The following ADAM22 variants were observed in gnomAD, a reference collection of about 807,000 sequenced individuals.
ADAM22 encodes the protein ADAM metallopeptidase domain 22.
In ADAM22, 65 loss-of-function variants were observed where a neutral mutation model predicts 144.6. The observed-to-expected ratio is 0.45, with a 90% CI of 0.37 to 0.55. The LOEUF (loss-of-function observed/expected upper bound fraction) is 0.55. Ranked by LOEUF, ADAM22 falls within the 20% of genes least tolerant of loss-of-function variation. The pLI is 0.00. For missense variants in ADAM22, 974 were observed against 1,184.9 expected (o/e 0.82, Z 2.61); for synonymous variants, 391 against 412.6 (o/e 0.95, Z 0.63).
chr7:88,162,883 T>TTAA (rs1842056368), intron 22 of ADAM22, 129 bp from the exon 23 acceptor site: 1 of 866,002 alleles, frequency 1.2e-6, no homozygotes, highest in Admixed American at 2.9e-5. Flanking sequence ...AACTGGCTTA[T>TTAA]GCTACTGGTC....
At chr7:88,039,749 T>C (rs1348815514) in intron 3 of ADAM22, among the ~76,000 whole-genome samples, 2 of 151,688 alleles carry the variant, frequency 1.3e-5, no homozygotes, top group African/African-American at 4.8e-5. Flanking sequence ...TGTTTCTATC[T>C]GTGTTATTCT....
intron 3 of ADAM22, among the ~76,000 whole-genome samples, chr7:88,050,196 C>A (rs1173686123): frequency 7.2e-6 from 1 of 139,046 alleles, no homozygotes. Context: ...ACAGCTTGGG[C>A]AGCATAGCAA....
At chr7:88,146,278 T>G (rs1836383333) in intron 17 of ADAM22, among the ~76,000 whole-genome samples, 1 of 152,252 alleles carries the variant, frequency 6.6e-6, no homozygotes, top group Non-Finnish European at 1.5e-5. Flanking sequence ...AAATATTTGT[T>G]GAGTGAATGA....
intron 3 of ADAM22, among the ~76,000 whole-genome samples, chr7:87,998,144 A>G (rs748277613): frequency 1.8e-4 from 27 of 152,294 alleles, no homozygotes; most frequent in Admixed American, 3.3e-4. Context: ...TAGTCCTTTC[A>G]GGTTCCACTG....
chr7:88,136,840 TTAAAA>T (rs1375348051), intron 14 of ADAM22, among the ~76,000 whole-genome samples: 1 of 151,826 alleles, frequency 6.6e-6, no homozygotes, highest in African/African-American at 2.4e-5. Context: ...TGGAATGTTA[TTAAAA>T]TAATAACAGC....
rs573633494 is a variant in ADAM22, at chr7:87,997,993, A to G, written c.323+19581A>G. On this transcript the variant is annotated intron_variant, in intron 3 of 31. Transcript: ENST00000413139. ...AAGCTGACAGTGCAGCCGTCAGTCT[A>G]TGGCTGAAGGCCTGAGAGCCCCTGG... Among the ~76,000 whole-genome samples, 257 of 152,326 alleles carry G rather than the reference A, an allele frequency of 1.7e-3. 1 individual carries two copies. The highest frequency in any genetic ancestry group is 5.8e-3 in the African/African-American group (241 of 41,582).
chr7:87,998,343 A>G (rs998782063), intron 3 of ADAM22, among the ~76,000 whole-genome samples: 2 of 152,270 alleles, frequency 1.3e-5, no homozygotes, highest in Admixed American at 6.5e-5. Context: ...CACAGGGCTC[A>G]TGGGATTACA....
chr7:88,049,695 C>A (rs116430330), intron 3 of ADAM22, among the ~76,000 whole-genome samples: 4,892 of 152,216 alleles, frequency 0.032, 246 homozygotes, highest in African/African-American at 0.11. Context: ...GTGCACCCGG[C>A]CTACCGTGTA....
At position 88,200,819 on chromosome 7, in the gene ADAM22, T is replaced by G. The variant is rs189810186; in HGVS notation, c.*4328T>G. The G allele has an allele frequency of 1.7e-4, 26 of 152,432 alleles. No homozygotes were observed. The East Asian group carries it at 2.5e-3, about 15-fold the overall frequency. The allele number at this position is 152,432 out of a possible 1,614,324, so 9.4% of individuals were successfully genotyped here. ...TGGATAAGACTACTCTGGTTTTGGATGCAGCAACTTTTCTCCTGGCATGGA... is the reference window on the plus strand; with the variant it reads ...TGGATAAGACTACTCTGGTTTTGGAGGCAGCAACTTTTCTCCTGGCATGGA... On this transcript the variant is annotated 3_prime_UTR_variant, in exon 32 of 32. Coordinates refer to ENST00000413139, the MANE Select transcript of ADAM22 (RefSeq NM_001324418.2).
intron 3 of ADAM22, among the ~76,000 whole-genome samples, chr7:88,007,541 C>T (rs1368756431): frequency 6.6e-6 from 1 of 152,072 alleles, no homozygotes; most frequent in African/African-American, 2.4e-5. Context: ...GTACTGGTAC[C>T]AAAACAGACG....
chr7:88,186,432 T>C, intron 29 of ADAM22, 183 bp from the exon 30 acceptor site: 4 of 612,818 alleles, frequency 6.5e-6, no homozygotes, highest in South Asian at 1.9e-5. Context: ...AGCCTTGTTG[T>C]AGCTGAGATT....
At chr7:88,141,421 C>T (rs1027861239) in intron 14 of ADAM22, among the ~76,000 whole-genome samples, 11 of 152,086 alleles carry the variant, frequency 7.2e-5, no homozygotes, top group Non-Finnish European at 1.3e-4. Flanking sequence ...ATTATAAATT[C>T]CATTAATTAA....
At chr7:88,023,826 T>TCC (rs141448857) in intron 3 of ADAM22, among the ~76,000 whole-genome samples, 1 of 151,248 alleles carries the variant, frequency 6.6e-6, no homozygotes, top group Admixed American at 6.6e-5. Context: ...TACCCCCACT[T>TCC]CCCCCCTACC....
At chr7:88,123,325 T>C (rs925200734) in intron 7 of ADAM22, among the ~76,000 whole-genome samples, 2 of 152,154 alleles carry the variant, frequency 1.3e-5, no homozygotes, top group African/African-American at 4.8e-5. Context: ...GTAAAAGTGG[T>C]ATTATTTCTT....
intron 3 of ADAM22, among the ~76,000 whole-genome samples, chr7:87,993,450 G>T (rs1169009763): frequency 6.6e-6 from 1 of 152,076 alleles, no homozygotes; most frequent in Non-Finnish European, 1.5e-5. Context: ...TCAATTAGAG[G>T]TATTGAATGT....
chr7:88,173,300 CTT>C (rs113800354), intron 26 of ADAM22, among the ~76,000 whole-genome samples: 4 of 152,102 alleles, frequency 2.6e-5, no homozygotes, highest in African/African-American at 9.6e-5. Context: ...TCTGGCTACT[CTT>C]TTGGAATCTA....
intron 3 of ADAM22, among the ~76,000 whole-genome samples, chr7:88,069,693 T>G (rs1212138954): frequency 1.3e-5 from 2 of 152,178 alleles, no homozygotes; most frequent in African/African-American, 2.4e-5. Flanking sequence ...TCATCTGAAT[T>G]AGGTCCAGGT....
intron 14 of ADAM22, among the ~76,000 whole-genome samples, chr7:88,137,194 G>C (rs1174047499): frequency 6.6e-6 from 1 of 152,084 alleles, no homozygotes; most frequent in Admixed American, 6.5e-5. Context: ...ATTCTTCTGT[G>C]ACTTGCTGTT....
At chr7:88,048,014 A>G (rs563473837) in intron 3 of ADAM22, among the ~76,000 whole-genome samples, 1 of 152,150 alleles carries the variant, frequency 6.6e-6, no homozygotes, top group East Asian at 1.9e-4. Flanking sequence ...CTTCTCTGCC[A>G]CTGGAATACC....
Sources: allele counts gnomAD v4.1 joint callset (sites outside exome capture counted in the v4.1 genomes callset), GRCh38; gene constraint gnomAD v4.1.1; transcripts MANE v1.5; gene names NCBI Gene and HGNC (gene_info 2026-07-23, HGNC 2026-07-21).